Variants in MYH16 observed in about 807,000 individuals in gnomAD.
MYH16 encodes the protein myosin heavy chain 16.
At chr7:99,293,274 T>C (rs373120909) in intron 32 of MYH16, among the ~76,000 whole-genome samples, 1 of 152,236 alleles carries the variant, frequency 6.6e-6, no homozygotes, top group South Asian at 2.1e-4. Flanking sequence ...TCTAAGTGTT[T>C]CCGGGATCCC....
intron 20 of MYH16, among the ~76,000 whole-genome samples, chr7:99,273,657 G>T (rs1421346000): frequency 1.3e-5 from 2 of 152,198 alleles, no homozygotes; most frequent in African/African-American, 2.4e-5. Flanking sequence ...CCTTTGGGAG[G>T]CTGAGGCAGG....
At chr7:99,256,402 T>C (rs1248090592) in intron 9 of MYH16, among the ~76,000 whole-genome samples, 1 of 151,834 alleles carries the variant, frequency 6.6e-6, no homozygotes, top group Non-Finnish European at 1.5e-5. Context: ...CCAGGAGTTC[T>C]AGGCTACAAT....
chr7:99,273,290 CA>C, intron 19 of MYH16, 51 bp from the exon 2 acceptor site: 1 of 455,890 alleles, frequency 2.2e-6, no homozygotes. Flanking sequence ...CCAGGGAAGC[CA>C]GGTCCTAACA....
chr7:99,251,990 C>G (rs949884214), intron 6 of MYH16, among the ~76,000 whole-genome samples: 2 of 152,084 alleles, frequency 1.3e-5, no homozygotes, highest in Non-Finnish European at 2.9e-5. Flanking sequence ...GGATAAAAAG[C>G]ATCTAATCAG....
intron 5 of MYH16, among the ~76,000 whole-genome samples, chr7:99,250,479 G>GAA (rs1791796918): frequency 6.6e-6 from 1 of 152,210 alleles, no homozygotes; most frequent in African/African-American, 2.4e-5. Flanking sequence ...AGTGGCTCAT[G>GAA]CCTATAATCC....
chr7:99,258,769 C>T (rs775320736), intron 11 of MYH16, among the ~76,000 whole-genome samples: 2 of 151,038 alleles, frequency 1.3e-5, no homozygotes, highest in Non-Finnish European at 2.9e-5. Flanking sequence ...CACTATAAAT[C>T]GGGTTTGGTT....
At chr7:99,292,462 T>G (rs1186371407) in exon 32 of MYH16, 1 of 468,526 alleles carries the variant, frequency 2.1e-6, no homozygotes, top group Non-Finnish European at 4.3e-6. Context: ...GAGGACCAAG[T>G]ACGAGACCGA....
chr7:99,297,577 C>A, intron 34 of MYH16, 83 bp from the exon 16 acceptor site: 6 of 400,894 alleles, frequency 1.5e-5, no homozygotes, highest in South Asian at 1.1e-4. Context: ...AGGCCTGCTT[C>A]TTACCCCAAT....
chr7:99,273,769 A>G (rs1465166008), intron 20 of MYH16, among the ~76,000 whole-genome samples: 2 of 150,732 alleles, frequency 1.3e-5, no homozygotes, highest in Non-Finnish European at 3.0e-5. Flanking sequence ...TAAGAAAGAG[A>G]GGAAAGGAAG....
exon 41 of MYH16, chr7:99,306,034 G>GC (rs1216557558): frequency 6.6e-6 from 1 of 152,656 alleles, no homozygotes; most frequent in African/African-American, 2.4e-5. Context: ...GATTGAGGAG[G>GC]CGGTGGGTGT....
chr7:99,297,539 C>T, intron 34 of MYH16, 121 bp from the exon 16 acceptor site: 1 of 365,034 alleles, frequency 2.7e-6, no homozygotes, highest in South Asian at 2.1e-5. Context: ...GGTGTGGTGG[C>T]TCATGTCTGC....
chr7:99,289,462 T>G, intron 30 of MYH16, 58 bp downstream of exon 11: 1 of 268,098 alleles, frequency 3.7e-6, no homozygotes, highest in South Asian at 2.9e-5. Context: ...GAACTGGGAT[T>G]CTCAAGGAAA....
chr7:99,283,958 C>T (rs1046063985), exon 25 of MYH16: 1 of 456,496 alleles, frequency 2.2e-6, no homozygotes, highest in East Asian at 6.9e-5. Flanking sequence ...CTGAAGATGA[C>T]CATCGACAAC....
intron 1 of MYH16, among the ~76,000 whole-genome samples, chr7:99,241,095 A>G (rs1168297407): frequency 6.6e-6 from 1 of 152,206 alleles, no homozygotes; most frequent in Non-Finnish European, 1.5e-5. Context: ...TAAGGACAAC[A>G]CAATTTCCTT....
chr7:99,267,673 TCAGA>T lies in MYH16; in HGVS notation n.2266+704_2266+707del, dbSNP rs577689214. Among the ~76,000 whole-genome samples the T allele has an allele frequency of 1.2e-3, 182 of 152,296 alleles. 1 individual carries two copies. Among genetic ancestry groups the T allele is most frequent in the African/African-American group, 4.1e-3 (172 of 41,570 alleles). On this transcript the variant is annotated intron_variant and non_coding_transcript_variant, in intron 18 of 41. Coordinates refer to ENST00000439784, the Ensembl canonical transcript of MYH16. ...AGCCAGCGGCTGAGATGGGACTGAC[TCAGA>T]CAGAGCAACCTCCTGCTCCTGACTC...
intron 1 of MYH16, among the ~76,000 whole-genome samples, chr7:99,241,345 G>C (rs1186479204): frequency 6.6e-6 from 1 of 152,212 alleles, no homozygotes; most frequent in African/African-American, 2.4e-5. Flanking sequence ...CACTTTGGGA[G>C]GCCAAGGAGG....
intron 19 of MYH16, among the ~76,000 whole-genome samples, chr7:99,272,960 G>A (rs1354003482): frequency 6.6e-6 from 1 of 152,174 alleles, no homozygotes; most frequent in Non-Finnish European, 1.5e-5. Context: ...AATGGCAGTT[G>A]AGTGAAGCTG....
intron 33 of MYH16, among the ~76,000 whole-genome samples, chr7:99,295,836 G>GAAAA (rs869299904): frequency 3.5e-5 from 2 of 56,786 alleles, no homozygotes; most frequent in African/African-American, 7.6e-5. Flanking sequence ...TCATCTCTTG[G>GAAAA]AAAAAAAAAA....
At chr7:99,278,327 G>A (rs372166818) in intron 21 of MYH16, among the ~76,000 whole-genome samples, 2 of 152,154 alleles carry the variant, frequency 1.3e-5, no homozygotes, top group East Asian at 3.9e-4. Flanking sequence ...CAGGGATGGT[G>A]GCCACGAGAT....
Sources: allele counts gnomAD v4.1 joint callset (sites outside exome capture counted in the v4.1 genomes callset), GRCh38; gene constraint gnomAD v4.1.1; transcripts MANE v1.5; gene names NCBI Gene and HGNC (gene_info 2026-07-23, HGNC 2026-07-21).